The following MAPK6 variants were observed in gnomAD, a reference collection of about 807,000 sequenced individuals.
The protein encoded by MAPK6 is mitogen-activated protein kinase 6.
MAPK6 carries 19 observed loss-of-function variants against 59.3 expected under a neutral mutation model. That is an observed-to-expected ratio of 0.32 (90% CI 0.22 to 0.47). MAPK6 has a LOEUF of 0.47. Ranked by LOEUF, MAPK6 falls within the 20% of genes least tolerant of loss-of-function variation. The pLI is 1.00. For missense variants in MAPK6, 724 were observed against 847.9 expected (o/e 0.85, Z 1.81); for synonymous variants, 316 against 290.3 (o/e 1.09, Z -0.90).
At chr15:51,987,914 C>T (rs551055478) in intron 2 of MAPK6, among the ~76,000 whole-genome samples, 19 of 151,990 alleles carry the variant, frequency 1.3e-4, no homozygotes, top group African/African-American at 3.9e-4. Flanking sequence ...TACAGGCGCA[C>T]GCCACCACAC....
In MAPK6 at chr15:52,023,199, C is replaced by T. The variant is rs369232821; in HGVS notation, c.-632+3823C>T. On this transcript the variant is annotated intron_variant, in intron 1 of 5. Transcript: ENST00000261845. ...CTCCAAGGTACTGCTTTATGAAATGCTGAGCCTTCTTACCACTGCTATCCA... is the reference window on the plus strand; with the variant it reads ...CTCCAAGGTACTGCTTTATGAAATGTTGAGCCTTCTTACCACTGCTATCCA... 3.7e-4 allele frequency among the ~76,000 whole-genome samples: 56 copies of T among 151,540 alleles called. No individual in the cohort carries two copies. In the East Asian group the frequency reaches 8.3e-3, roughly 23 times the overall value.
chr15:52,050,808 A>T (rs1221513275), intron 3 of MAPK6, among the ~76,000 whole-genome samples: 5 of 152,204 alleles, frequency 3.3e-5, no homozygotes, highest in Admixed American at 3.3e-4. Flanking sequence ...GGGTACCCAT[A>T]TAAATAAGAG....
chr15:51,994,282 T>A (rs2057218364), intron 2 of MAPK6, among the ~76,000 whole-genome samples: 1 of 152,128 alleles, frequency 6.6e-6, no homozygotes, highest in Non-Finnish European at 1.5e-5. Context: ...CTAAATACCA[T>A]TCTCCACCAA....
chr15:51,998,687 A>ATTTTTTTTTTTTTTTTTTTTTTTTT lies in MAPK6; in HGVS notation c.-769-5557_-769-5556insTTTTTTTTTTTTTTTTTTTTTTTTT. 1.2e-3 allele frequency among the ~76,000 whole-genome samples: 48 copies of ATTTTTTTTTTTTTTTTTTTTTTTTT among 38,494 alleles called. 22 individuals are homozygous for ATTTTTTTTTTTTTTTTTTTTTTTTT. The highest frequency in any genetic ancestry group is 1.4e-3 in the African/African-American group (16 of 11,372). The allele number at this position is 38,494 out of a possible 152,430, so 25.3% of individuals were successfully genotyped here. ...AGGCGTGCGCCACCATGCCTGGTTA[A>ATTTTTTTTTTTTTTTTTTTTTTTTT]TTTTTTTTTTTTTTTTTTTTTGAGA... On this transcript the variant is annotated intron_variant, in intron 2 of 7. Transcript: ENST00000691380.
intron 1 of MAPK6, among the ~76,000 whole-genome samples, chr15:52,022,941 C>G (rs2030592946): frequency 6.6e-6 from 1 of 151,656 alleles, no homozygotes; most frequent in African/African-American, 2.4e-5. Context: ...AACCCCGTCT[C>G]TAATAAAATA....
At chr15:52,016,182 G>A (rs1354528557), upstream of MAPK6, among the ~76,000 whole-genome samples, 1 of 150,764 alleles carries the variant, frequency 6.6e-6, no homozygotes, top group Non-Finnish European at 1.5e-5. Context: ...GGGTGGTCAG[G>A]AGTTTGAGAC....
intron 5 of MAPK6, among the ~76,000 whole-genome samples, chr15:52,062,720 G>A (rs1015943176): frequency 4.6e-5 from 7 of 152,094 alleles, no homozygotes; most frequent in Non-Finnish European, 8.8e-5. Context: ...AGCCGAGATT[G>A]CACCACTGCA....
At chr15:51,990,678 C>A (rs1031284388) in intron 2 of MAPK6, among the ~76,000 whole-genome samples, 2 of 152,064 alleles carry the variant, frequency 1.3e-5, no homozygotes, top group Non-Finnish European at 2.9e-5. Context: ...AGGCCAGGCG[C>A]AGTGGCTCAC....
Position 52,064,436 on chromosome 15 carries a change from T to G in MAPK6, c.1602T>G (p.Thr534=), listed in dbSNP as rs1049590425. 16 of 1,611,698 alleles carry G rather than the reference T, an allele frequency of 9.9e-6. No individual in the cohort carries two copies. Among genetic ancestry groups the G allele is most frequent in the Non-Finnish European group, 1.3e-5 (15 of 1,179,726 alleles). ...GFDFDSFIAG[T]IQLSSQHEPT... Reference sequence around the variant, plus strand: ...ATTTTGATTCCTTTATTGCAGGAACTATTCAGCTTAGTTCCCAGCATGAGC... The same window carrying G: ...ATTTTGATTCCTTTATTGCAGGAACGATTCAGCTTAGTTCCCAGCATGAGC... Residue 534 remains threonine (T), a synonymous_variant, in exon 6 of 6, where the codon ACT becomes ACG. Coordinates refer to ENST00000261845, the MANE Select transcript of MAPK6 (RefSeq NM_002748.4).
chr15:51,997,413 C>T (rs554624233), intron 2 of MAPK6, among the ~76,000 whole-genome samples: 53 of 136,002 alleles, frequency 3.9e-4, no homozygotes, highest in Non-Finnish European at 5.0e-4. Context: ...ACATGTGCCA[C>T]GACACCCAGC....
chr15:52,010,114 T>C (rs2030011552), intron 3 of MAPK6, among the ~76,000 whole-genome samples: 1 of 152,086 alleles, frequency 6.6e-6, no homozygotes, highest in South Asian at 2.1e-4. Flanking sequence ...CCATTTGTCA[T>C]AGTCTGAGAA....
chr15:52,037,667 C>T (rs1028981582), intron 1 of MAPK6, among the ~76,000 whole-genome samples: 1 of 152,140 alleles, frequency 6.6e-6, no homozygotes, highest in African/African-American at 2.4e-5. Flanking sequence ...TGTGCATTCG[C>T]ATAGAGTGAG....
At chr15:51,974,520 A>G (rs1469293571) in intron 1 of MAPK6, among the ~76,000 whole-genome samples, 2 of 150,438 alleles carry the variant, frequency 1.3e-5, no homozygotes, top group Non-Finnish European at 1.5e-5. Context: ...TTAGCAGGGC[A>G]TGGTGACGGG....
upstream of MAPK6, among the ~76,000 whole-genome samples, chr15:52,014,697 A>AT (rs1172259888): frequency 4.0e-5 from 6 of 149,138 alleles, no homozygotes; most frequent in African/African-American, 1.5e-4. Flanking sequence ...ACAAAGTGAG[A>AT]TTTTCTAAAA....
chr15:52,032,186 ATTTTTTTTTTT>A (rs566086048), intron 1 of MAPK6, among the ~76,000 whole-genome samples: 2 of 92,484 alleles, frequency 2.2e-5, no homozygotes, highest in Admixed American at 2.4e-4. Flanking sequence ...ACAATTTTTA[ATTTTTTTTTTT>A]TTTTTTTTTT....
intron 2 of MAPK6, among the ~76,000 whole-genome samples, chr15:51,989,263 G>A (rs957832710): frequency 1.3e-5 from 2 of 151,802 alleles, no homozygotes; most frequent in Non-Finnish European, 2.9e-5. Flanking sequence ...TATTTTTGTA[G>A]AGACCGGATT....
intron 3 of MAPK6, among the ~76,000 whole-genome samples, chr15:52,056,054 G>A (rs1271437761): frequency 6.6e-6 from 1 of 152,176 alleles, no homozygotes; most frequent in African/African-American, 2.4e-5. Flanking sequence ...AGGGAAATCT[G>A]AGTGGTTATT....
chr15:51,997,414 G>A (rs574315499), intron 2 of MAPK6, among the ~76,000 whole-genome samples: 3 of 149,478 alleles, frequency 2.0e-5, no homozygotes, highest in Admixed American at 6.7e-5. Flanking sequence ...CATGTGCCAC[G>A]ACACCCAGCT....
intron 2 of MAPK6, among the ~76,000 whole-genome samples, chr15:51,988,515 CA>C (rs1381710048): frequency 6.6e-6 from 1 of 151,904 alleles, no homozygotes; most frequent in African/African-American, 2.4e-5. Flanking sequence ...GGGTGGGTCA[CA>C]AGGGCAGGAG....
Sources: allele counts gnomAD v4.1 joint callset (sites outside exome capture counted in the v4.1 genomes callset), GRCh38; gene constraint gnomAD v4.1.1; transcripts MANE v1.5; gene names NCBI Gene and HGNC (gene_info 2026-07-23, HGNC 2026-07-21).